Variants in PCDHA4 observed in about 807,000 individuals in gnomAD.
PCDHA4 encodes the protein protocadherin alpha 4, also known as protocadherin alpha-4.
In PCDHA4, 49 loss-of-function variants were observed where a neutral mutation model predicts 61.4. The ratio of observed to expected loss-of-function variants is 0.80; its 90% CI spans 0.63 to 1.01. The LOEUF (loss-of-function observed/expected upper bound fraction) is 1.01. PCDHA4 is among the 50% of genes least tolerant of loss of function. The pLI is 0.00. For missense variants in PCDHA4, 1,254 were observed against 1,235.8 expected (o/e 1.01, Z -0.22); for synonymous variants, 590 against 550.3 (o/e 1.07, Z -1.01).
At chr5:140,921,202 C>T (rs528515993) in intron 1 of PCDHA4, among the ~76,000 whole-genome samples, 20 of 151,968 alleles carry the variant, frequency 1.3e-4, no homozygotes, top group African/African-American at 3.6e-4. Context: ...AGATTGACAA[C>T]GATAATTCAC....
Position 140,808,872 on chromosome 5 carries a change from C to A in PCDHA4, c.1685C>A (p.Ala562Glu), listed in dbSNP as rs782630901. The A allele has an allele frequency of 5.0e-6, 8 of 1,613,186 alleles. 1 individual carries two copies. In the South Asian group the frequency reaches 8.8e-5, roughly 18 times the overall value. The change falls in exon 1 of 4, where the codon GCG becomes GAG. Residue 562 changes from alanine to glutamate, a missense_variant. By Grantham distance (107) the Ala-to-Glu change is moderately radical. Transcript: ENST00000530339. ...QVFVLDENDN[A>E]PALLAPRAGG... ...TTCGTGCTGGACGAAAACGACAACGCGCCAGCACTGCTAGCGCCTCGGGCG... is the reference window on the plus strand; with the variant it reads ...TTCGTGCTGGACGAAAACGACAACGAGCCAGCACTGCTAGCGCCTCGGGCG...
At chr5:140,809,619 T>C in intron 1 of PCDHA4, 47 bp downstream of exon 1, 1 of 1,511,388 alleles carries the variant, frequency 6.6e-7, no homozygotes. Flanking sequence ...TGTTTTTCTC[T>C]ATCAACTTCT....
intron 1 of PCDHA4, among the ~76,000 whole-genome samples, chr5:140,820,762 T>C (rs1554127916): frequency 2.0e-5 from 3 of 152,044 alleles, no homozygotes; most frequent in Non-Finnish European, 4.4e-5. Flanking sequence ...ATAGACAATA[T>C]TAGGATTTTG....
At chr5:140,925,906 G>A (rs1181128933) in intron 1 of PCDHA4, among the ~76,000 whole-genome samples, 1 of 151,830 alleles carries the variant, frequency 6.6e-6, no homozygotes, top group Non-Finnish European at 1.5e-5. Context: ...ATCGTCAAGG[G>A]CCGTTTGCAA....
chr5:140,829,605 C>A (rs2150171072), intron 1 of PCDHA4: 1 of 1,612,104 alleles, frequency 6.2e-7, no homozygotes, highest in Non-Finnish European at 8.5e-7. Context: ...CGCGCGTTGT[C>A]GAGCTACATT....
At chr5:140,956,933 A>G (rs1243678543) in intron 1 of PCDHA4, among the ~76,000 whole-genome samples, 1 of 151,594 alleles carries the variant, frequency 6.6e-6, no homozygotes, top group Non-Finnish European at 1.5e-5. Flanking sequence ...TGGATATAGG[A>G]TAAAATTTAC....
intron 1 of PCDHA4, among the ~76,000 whole-genome samples, chr5:140,821,171 C>G (rs1442179324): frequency 6.6e-6 from 1 of 151,960 alleles, no homozygotes; most frequent in Non-Finnish European, 1.5e-5. Context: ...TACAAACATT[C>G]CATTGACTAA....
intron 2 of PCDHA4, among the ~76,000 whole-genome samples, chr5:140,981,521 C>T (rs894639773): frequency 1.3e-5 from 2 of 152,208 alleles, no homozygotes; most frequent in South Asian, 4.1e-4. Flanking sequence ...TTGCAGTGAG[C>T]TGAGATCGTG....
At chr5:140,973,325 A>G (rs180770098) in intron 1 of PCDHA4, among the ~76,000 whole-genome samples, 71 of 152,216 alleles carry the variant, frequency 4.7e-4, no homozygotes, top group African/African-American at 1.7e-3. Context: ...CAGAGTTTAC[A>G]CTCGTTGTAA....
At chr5:140,929,258 T>C (rs1288767035) in intron 1 of PCDHA4, 2 of 1,612,832 alleles carry the variant, frequency 1.2e-6, no homozygotes, top group Non-Finnish European at 1.7e-6. Flanking sequence ...GGGGTAGGAC[T>C]GAATTTGCCA....
intron 1 of PCDHA4, chr5:140,857,440 G>A (rs2044596243): frequency 6.3e-7 from 1 of 1,598,588 alleles, no homozygotes; most frequent in Non-Finnish European, 8.6e-7. Context: ...TGTTCGTGAA[G>A]GAGAACAACC....
At chr5:140,918,074 G>T (rs546551059) in intron 1 of PCDHA4, among the ~76,000 whole-genome samples, 1 of 152,096 alleles carries the variant, frequency 6.6e-6, no homozygotes, top group South Asian at 2.1e-4. Context: ...TCTTTCAGTA[G>T]TGTTTTATAA....
chr5:140,949,924 AT>A (rs144693243), intron 1 of PCDHA4, among the ~76,000 whole-genome samples: 8,382 of 151,404 alleles, frequency 0.055, 277 homozygotes, highest in Non-Finnish European at 0.077. Context: ...CTATTTTTAG[AT>A]TTTTTTTAAT....
At position 140,807,857 on chromosome 5, in the gene PCDHA4, G is replaced by T. The variant is rs782193088; in HGVS notation, c.670G>T (p.Gly224Cys). The change falls in exon 1 of 4, where the codon GGC becomes TGC. Residue 224 changes from glycine to cysteine, a missense_variant. Transcript: ENST00000530339. Reference sequence around the variant, plus strand: ...TGATGGAGGCAAACCCGAGTTGACTGGCACCGTTCAGTTACTCATCACAGT... The same window carrying T: ...TGATGGAGGCAAACCCGAGTTGACTTGCACCGTTCAGTTACTCATCACAGT... ...ATDGGKPELT[G>C]TVQLLITVLD... The T allele has an allele frequency of 6.8e-6, 11 of 1,614,030 alleles. No individual in the cohort carries two copies. Among genetic ancestry groups the T allele is most frequent in the Non-Finnish European group, 7.6e-6 (9 of 1,180,034 alleles).
At chr5:140,882,584 C>G (rs1554174685) in intron 1 of PCDHA4, 5 of 1,614,238 alleles carry the variant, frequency 3.1e-6, no homozygotes, top group South Asian at 1.1e-5. Flanking sequence ...CAGCATCCAC[C>G]TGGAGGTGAT....
intron 3 of PCDHA4, among the ~76,000 whole-genome samples, chr5:141,002,682 G>T (rs536105955): frequency 6.6e-6 from 1 of 152,140 alleles, no homozygotes; most frequent in Non-Finnish European, 1.5e-5. Flanking sequence ...CCTATACGAC[G>T]TGCAGATTTG....
At chr5:140,870,508 C>T in intron 1 of PCDHA4, 1 of 1,614,244 alleles carries the variant, frequency 6.2e-7, no homozygotes, top group Non-Finnish European at 8.5e-7. Flanking sequence ...GAACAACCCA[C>T]CAGGCTGCCA....
chr5:140,819,782 A>G (rs1326657142), intron 1 of PCDHA4, among the ~76,000 whole-genome samples: 1 of 152,108 alleles, frequency 6.6e-6, no homozygotes, highest in Non-Finnish European at 1.5e-5. Flanking sequence ...CTATATAAGT[A>G]CATGAGATAT....
chr5:140,840,795 A>T (rs1395855837), intron 1 of PCDHA4, among the ~76,000 whole-genome samples: 1 of 152,122 alleles, frequency 6.6e-6, no homozygotes, highest in African/African-American at 2.4e-5. Flanking sequence ...TGCTCACCTC[A>T]GAGTAATATA....
Sources: gnomAD v4.1 joint callset for allele counts (sites outside exome capture counted in the v4.1 genomes callset) on GRCh38, gnomAD v4.1.1 for gene constraint, MANE v1.5 for transcripts, NCBI Gene and HGNC (gene_info 2026-07-23, HGNC 2026-07-21) for gene names.